The following HMGCS2 variants were observed in gnomAD, a reference collection of about 807,000 sequenced individuals.
HMGCS2 encodes the protein 3-hydroxy-3-methylglutaryl-CoA synthase 2.
In HMGCS2, 50 loss-of-function variants were observed where a neutral mutation model predicts 57.4. That is an observed-to-expected ratio of 0.87 (90% confidence interval 0.69 to 1.10). HMGCS2 has a LOEUF of 1.10. HMGCS2 is among the 50% of genes least tolerant of loss of function. The probability of loss-of-function intolerance (pLI) is 0.00; values close to 1 mark genes in which losing one functional copy is unlikely to be tolerated. For synonymous variants in HMGCS2, 254 were observed against 245.1 expected (o/e 1.04, Z -0.34); for missense variants, 627 against 636.5 (o/e 0.99, Z 0.16).
intron 6 of HMGCS2, 130 bp from the exon 7 acceptor site, chr1:119,753,516 T>G: frequency 1.5e-6 from 1 of 660,502 alleles, no homozygotes; most frequent in Non-Finnish European, 2.7e-6. Flanking sequence ...ATCTTCTCCC[T>G]GTCTACCTCA....
intron 3 of HMGCS2, 87 bp downstream of exon 3, chr1:119,759,777 C>T: frequency 6.6e-7 from 1 of 1,521,754 alleles, no homozygotes; most frequent in Non-Finnish European, 9.1e-7. Flanking sequence ...TACCTCAGCC[C>T]TGAGTAGCAG....
intron 2 of HMGCS2, among the ~76,000 whole-genome samples, chr1:119,761,384 A>G (rs1653034539): frequency 6.6e-6 from 1 of 152,108 alleles, no homozygotes; most frequent in Non-Finnish European, 1.5e-5. Context: ...TCTATCAGAA[A>G]CAAAGTCAAA....
Position 119,748,860 on chromosome 1 carries a change from C to G in HMGCS2, c.*6-19G>C, listed in dbSNP as rs1652544820. ...TGCAGAACTTAAATAAACAAAAAGT[C>G]ATTCAATCATGGGTCTCCTCTTGGG... is the stretch of plus-strand genomic sequence containing the variant. On this transcript the variant is annotated intron_variant, in intron 9 of 9. Coordinates refer to ENST00000369406, the MANE Select transcript of HMGCS2 (RefSeq NM_005518.4). 5 of 152,398 alleles carry G rather than the reference C, an allele frequency of 3.3e-5. No individual in the cohort carries two copies. In the South Asian group the frequency reaches 1.0e-3, roughly 32 times the overall value. The allele number at this position is 152,398 out of a possible 1,614,324, so 9.4% of individuals were successfully genotyped here.
In HMGCS2 at chr1:119,756,147, G is replaced by A. The variant is rs1029159548; in HGVS notation, c.1017-550C>T. Among the ~76,000 whole-genome samples the A allele has an allele frequency of 6.6e-5, 10 of 152,200 alleles. No homozygotes were observed. The East Asian group carries it at 9.6e-4, about 15-fold the overall frequency. On this transcript the variant is annotated intron_variant, in intron 5 of 9. Coordinates refer to ENST00000369406, the MANE Select transcript of HMGCS2 (RefSeq NM_005518.4). Reference sequence around the variant, plus strand: ...TCCTCAAAACACCTGATCCATTTACGCATCCACTACTGCCCATTTTCCCAC... The same window carrying A: ...TCCTCAAAACACCTGATCCATTTACACATCCACTACTGCCCATTTTCCCAC...
At chr1:119,759,327 T>A in intron 3 of HMGCS2, 45 bp from the exon 4 acceptor site, 1 of 1,579,742 alleles carries the variant, frequency 6.3e-7, no homozygotes, top group Non-Finnish European at 8.7e-7. Context: ...CAATGCAGCC[T>A]ACCTTGAGCA....
At chr1:119,759,475 A>G in intron 3 of HMGCS2, 193 bp from the exon 4 acceptor site, 1 of 653,854 alleles carries the variant, frequency 1.5e-6, no homozygotes, top group Non-Finnish European at 2.7e-6. Flanking sequence ...TGAGATGTAT[A>G]TTTCCCTTTC....
At chr1:119,764,955 A>G (rs1653169638) in intron 1 of HMGCS2, among the ~76,000 whole-genome samples, 1 of 152,186 alleles carries the variant, frequency 6.6e-6, no homozygotes, top group South Asian at 2.1e-4. Context: ...TCTTTAACAT[A>G]CATCTCTTGT....
intron 1 of HMGCS2, 23 bp downstream of exon 1, chr1:119,768,718 G>C (rs1181188494): frequency 6.6e-7 from 1 of 1,524,030 alleles, no homozygotes; most frequent in Admixed American, 1.7e-5. Flanking sequence ...TAGTTACAAG[G>C]TGCTTCTCAG....
At chr1:119,755,794 C>A (rs1652819676) in intron 5 of HMGCS2, among the ~76,000 whole-genome samples, 197 bp from the exon 6 acceptor site, 2 of 152,128 alleles carry the variant, frequency 1.3e-5, no homozygotes, top group African/African-American at 4.8e-5. Flanking sequence ...GCTTATTTTT[C>A]TGGTGGAATC....
At chr1:119,763,359 T>C (rs587755303) in intron 2 of HMGCS2, among the ~76,000 whole-genome samples, 1 of 152,340 alleles carries the variant, frequency 6.6e-6, no homozygotes, top group South Asian at 2.1e-4. Context: ...ATATAGAGTG[T>C]CTTAACTACT....
chr1:119,766,240 T>C (rs587644997), intron 1 of HMGCS2, among the ~76,000 whole-genome samples: 2 of 152,352 alleles, frequency 1.3e-5, no homozygotes, highest in African/African-American at 2.4e-5. Context: ...CTTCATTTTA[T>C]AGTTAGTGAA....
At chr1:119,751,668 A>G (rs1652665241) in intron 8 of HMGCS2, among the ~76,000 whole-genome samples, 1 of 152,136 alleles carries the variant, frequency 6.6e-6, no homozygotes, top group African/African-American at 2.4e-5. Context: ...TCTGCCTCCC[A>G]AAGGACTAGC....
At chr1:119,768,041 T>C (rs2101281613) in intron 1 of HMGCS2, among the ~76,000 whole-genome samples, 1 of 152,236 alleles carries the variant, frequency 6.6e-6, no homozygotes, top group Non-Finnish European at 1.5e-5. Context: ...AGAGTAAAAA[T>C]GTAAGGAAAT....
rs1652725108 is a variant in HMGCS2 at position 119,753,367 on chromosome 1, C to A, written c.1207G>T (p.Ala403Ser). ...GAGAAGGCACCAATCCTGGAGCCAG[C>A]CAGTTCTTGGGCAGAGTGGCTGTGG... ...LLSHHSAQEL[A>S]GSRIGAFSYG... The change falls in exon 7 of 10, where the codon GCT becomes TCT. Residue 403 changes from alanine (A) to serine (S), a missense_variant. Physicochemically the swap from Ala to Ser is moderately conservative, Grantham distance 99. Coordinates refer to ENST00000369406, the MANE Select transcript of HMGCS2 (RefSeq NM_005518.4). The A allele has an allele frequency of 1.2e-6, 2 of 1,608,156 alleles. No individual in the cohort carries two copies. The highest frequency in any genetic ancestry group is 1.7e-6 in the Non-Finnish European group (2 of 1,176,634).
Position 119,768,831 on chromosome 1 carries a change from A to G in HMGCS2, c.14T>C (p.Leu5Ser). The G allele has an allele frequency of 6.2e-7, 1 of 1,613,658 alleles. No individual in the cohort carries two copies. Among genetic ancestry groups the G allele is most frequent in the Non-Finnish European group, 8.5e-7 (1 of 1,179,640 alleles). ...TTGCAGAATGCGCTTCACTGGAGTC[A>G]ACAGACGCTGCATCTCCAGAGGAGC... MQRLLTPVKRILQLT... is the reference protein window; with the variant it reads MQRLSTPVKRILQLT... Residue 5 changes from leucine to serine, a missense_variant, in exon 1 of 10, where the codon TTG (leucine) becomes TCG (serine). Leu to Ser is a moderately radical substitution (Grantham distance 145). Transcript: ENST00000369406.
chr1:119,757,795 C>T (rs1428828988), intron 4 of HMGCS2, among the ~76,000 whole-genome samples: 1 of 152,204 alleles, frequency 6.6e-6, no homozygotes, highest in African/African-American at 2.4e-5. Flanking sequence ...GATTCAGGTT[C>T]AGATGTCTCT....
At chr1:119,768,133 G>A (rs940021730) in intron 1 of HMGCS2, among the ~76,000 whole-genome samples, 3 of 152,210 alleles carry the variant, frequency 2.0e-5, no homozygotes, top group Non-Finnish European at 4.4e-5. Flanking sequence ...AGGCACTAAC[G>A]ATAGCTGTGT....
intron 9 of HMGCS2, among the ~76,000 whole-genome samples, chr1:119,749,549 T>C (rs1283789326): frequency 2.6e-5 from 4 of 152,198 alleles, no homozygotes; most frequent in African/African-American, 9.7e-5. Context: ...GGCTGCTAAC[T>C]GAGCTCGTCC....
In HMGCS2 at chr1:119,750,846, C is replaced by T. The variant is rs746610244; in HGVS notation, c.1483G>A (p.Val495Met). The T allele has an allele frequency of 6.2e-7, 1 of 1,614,112 alleles. No homozygotes were observed. The highest frequency in any genetic ancestry group is 1.6e-4 in the Middle Eastern group (1 of 6,062). Residue 495 changes from valine to methionine, a missense_variant, in exon 9 of 10, where the codon GTG (valine) becomes ATG (methionine). Physicochemically the swap from Val to Met is conservative, Grantham distance 21 (BLOSUM62 1). Coordinates refer to ENST00000369406, the MANE Select transcript of HMGCS2 (RefSeq NM_005518.4). ...LFPGTWYLER[V>M]DEQHRRKYAR... ...TACTTTCGGCGATGCTGCTCGTCCACTCGCTCCAGGTACCAAGTACCTGGG... is the reference window on the plus strand; with the variant it reads ...TACTTTCGGCGATGCTGCTCGTCCATTCGCTCCAGGTACCAAGTACCTGGG...
Sources: allele counts gnomAD v4.1 joint callset (sites outside exome capture counted in the v4.1 genomes callset), GRCh38; gene constraint gnomAD v4.1.1; transcripts MANE v1.5; gene names NCBI Gene and HGNC (gene_info 2026-07-23, HGNC 2026-07-21).